Variants in DDX5 observed in about 807,000 individuals in gnomAD.
DDX5 encodes the protein probable ATP-dependent RNA helicase DDX5.
DDX5 carries 6 observed loss-of-function variants against 68.6 expected under a neutral mutation model. The observed-to-expected ratio is 0.09, with a 90% CI of 0.05 to 0.17. The LOEUF (loss-of-function observed/expected upper bound fraction) is 0.17, where lower values mean the gene tolerates loss of function less well. Among genes scored for constraint, DDX5 ranks in the 10% least tolerant of loss-of-function variants. DDX5 has a pLI of 1.00. For missense variants in DDX5, 499 were observed against 756.1 expected (o/e 0.66, Z 3.99); for synonymous variants, 350 against 247.0 (o/e 1.42, Z -3.91).
At chr17:64,506,019 G>GGCCCCCCCCCCCAA in intron 1 of DDX5, 57 bp downstream of exon 1, 1 of 1,360,438 alleles carries the variant, frequency 7.4e-7, no homozygotes, top group Non-Finnish European at 1.0e-6. Context: ...CCGCCACCCT[G>GGCCCCCCCCCCCAA]ACCCGCCCTC....
upstream of DDX5, chr17:64,506,833 T>C (rs1033381236): frequency 1.7e-6 from 1 of 595,564 alleles, no homozygotes; most frequent in Non-Finnish European, 3.0e-6. Flanking sequence ...TGTCTGATAA[T>C]CCTTTGACGG....
At position 64,504,371 on chromosome 17, in the gene DDX5, A is replaced by C; in HGVS notation, c.211-53T>G. 2.1e-6 allele frequency: 3 copies of C among 1,450,954 alleles called. No individual in the cohort carries two copies. In the South Asian group the frequency reaches 3.4e-5, roughly 17 times the overall value. 89.9% of individuals were successfully genotyped at this position (1,450,954 alleles called of 1,614,324 possible). On this transcript the variant is annotated intron_variant, in intron 2 of 12. Transcript: ENST00000225792. ...AATTCATGACAACCACCCCTAGCTA[A>C]ATACGTAATTGATAAGCCCCTAACT... is the stretch of plus-strand genomic sequence containing the variant.
Position 64,500,360 on chromosome 17 carries a change from T to C in DDX5, c.1442-34A>G, listed in dbSNP as rs371440912. ...AAAACAATTGCAAATTGATCAATTATGTCTATGACACAAATCATTGTGGAC... is the reference window on the plus strand; with the variant it reads ...AAAACAATTGCAAATTGATCAATTACGTCTATGACACAAATCATTGTGGAC... On this transcript the variant is annotated intron_variant, in intron 12 of 12. Coordinates refer to ENST00000225792, the MANE Select transcript of DDX5 (RefSeq NM_004396.5). 645 of 1,578,998 alleles carry C rather than the reference T, an allele frequency of 4.1e-4. No homozygotes were observed. The highest frequency in any genetic ancestry group is 5.3e-4 in the Non-Finnish European group (621 of 1,162,104).
Position 64,499,572 on chromosome 17 carries a change from C to A in DDX5, c.*351G>T. 2 of 240,654 alleles carry A rather than the reference C, an allele frequency of 8.3e-6. No homozygotes were observed. The highest frequency in any genetic ancestry group is 5.6e-5 in the Admixed American group (1 of 17,922). 14.9% of individuals were successfully genotyped at this position (240,654 alleles called of 1,614,324 possible). A position where few individuals can be genotyped will look rare whatever the true frequency, so the allele number is the denominator to read the frequency against. On this transcript the variant is annotated 3_prime_UTR_variant, in exon 13 of 13. Transcript: ENST00000225792. The stretch of plus-strand genomic sequence containing the variant: ...AAAAAAAAAACCAGACCATCTTAAG[C>A]AAAGTTTTACATGACATTATATAAA...
At chr17:64,506,306 C>A, upstream of DDX5, 1 of 1,512,764 alleles carries the variant, frequency 6.6e-7, no homozygotes, top group Non-Finnish European at 8.8e-7. Context: ...CGCTTTCCGG[C>A]AGCCGCTTTT....
chr17:64,506,754 C>A (rs577153164), upstream of DDX5: 2 of 487,778 alleles, frequency 4.1e-6, no homozygotes, highest in Non-Finnish European at 7.4e-6. Context: ...AAATAGCTCA[C>A]CGGAAGTGCG....
chr17:64,506,039 C>G (rs782733917), intron 1 of DDX5, 37 bp downstream of exon 1: 1 of 1,543,108 alleles, frequency 6.5e-7, no homozygotes, highest in Non-Finnish European at 8.8e-7. Flanking sequence ...CCCATCCCCC[C>G]ACCCGCCAGG....
rs782183460 is a variant in DDX5, at chr17:64,503,203, A to G, written c.795T>C (p.Ile265=). ...DMGFEPQIRK[I]VDQIRPDRQT... is the part of the protein sequence containing the mutation. ...GGACACTTACTCTTATTTGATCCAC[A>G]ATCTTCCTTATTTGGGGTTCAAAGC... Residue 265 remains isoleucine, a synonymous_variant, in exon 7 of 13, where the codon ATT becomes ATC. Coordinates refer to ENST00000225792, the MANE Select transcript of DDX5 (RefSeq NM_004396.5). 1 of 1,614,150 alleles carries G rather than the reference A, an allele frequency of 6.2e-7. No homozygotes were observed. The highest frequency in any genetic ancestry group is 1.1e-5 in the South Asian group (1 of 91,084).
Position 64,504,846 on chromosome 17 carries a change from G to C in DDX5, c.45-4C>G. On this transcript the variant is annotated splice_polypyrimidine_tract_variant and splice_region_variant and intron_variant, in intron 1 of 12. Transcript: ENST00000225792. ...TCCAAATCGAGGTGCACCAAACCTG[G>C]AATGAAAAAAAACGTTATTCACATT... 6.9e-6 allele frequency: 11 copies of C among 1,585,828 alleles called. No homozygotes were observed. Among genetic ancestry groups the C allele is most frequent in the Non-Finnish European group, 9.4e-6 (11 of 1,171,992 alleles).
chr17:64,503,382 C>A (rs1555671457), intron 6 of DDX5, 34 bp from the exon 7 acceptor site: 1 of 1,613,988 alleles, frequency 6.2e-7, no homozygotes, highest in East Asian at 2.2e-5. Flanking sequence ...ACTACAATAC[C>A]TAGGATATTT....
intron 1 of DDX5, chr17:64,505,870 AAAGC>A (rs2038482164): frequency 6.5e-7 from 1 of 1,536,004 alleles, no homozygotes; most frequent in Non-Finnish European, 8.7e-7. Flanking sequence ...CCCCACACAA[AAAGC>A]AAGCTTGAAG....
intron 1 of DDX5, chr17:64,505,308 A>T: frequency 2.9e-6 from 1 of 343,424 alleles, no homozygotes; most frequent in Non-Finnish European, 5.4e-6. Context: ...GTCAGCGATA[A>T]CAGAACAAGG....
Position 64,498,384 on chromosome 17 carries a change from TCA to T in DDX5, c.*1537_*1538del, listed in dbSNP as rs1555670203. 4.6e-5 allele frequency among the ~76,000 whole-genome samples: 7 copies of T among 152,196 alleles called. No individual in the cohort carries two copies. On this transcript the variant is annotated 3_prime_UTR_variant, in exon 13 of 13. Coordinates refer to ENST00000225792, the MANE Select transcript of DDX5 (RefSeq NM_004396.5). Reference sequence around the variant, plus strand: ...TGTTTTCCACAGCCCAACAATCATTTCAGTGTTTACAAATTAAAAGGCCCACG... The same window carrying T: ...TGTTTTCCACAGCCCAACAATCATTTGTGTTTACAAATTAAAAGGCCCACG...
At chr17:64,505,387 G>T (rs16947824) in intron 1 of DDX5, 2 of 467,758 alleles carry the variant, frequency 4.3e-6, no homozygotes, top group African/African-American at 3.9e-5. Flanking sequence ...CCGGATCAAC[G>T]AATCAAAATT....
Position 64,505,379 on chromosome 17 carries a change from G to A in DDX5, c.45-537C>T, listed in dbSNP as rs529274865. The A allele has an allele frequency of 1.6e-4, 71 of 456,346 alleles. 1 individual carries two copies. In the South Asian group the frequency reaches 1.7e-3, roughly 11 times the overall value. 28.3% of individuals were successfully genotyped at this position (456,346 alleles called of 1,614,324 possible). On this transcript the variant is annotated intron_variant, in intron 1 of 12. Coordinates refer to ENST00000225792, the MANE Select transcript of DDX5 (RefSeq NM_004396.5). ...TGGGGGAACGCCGCGGTAGAGCTCC[G>A]GATCAACGAATCAAAATTATATAAC...
chr17:64,505,461 G>A lies in DDX5; in HGVS notation c.44+615C>T, dbSNP rs535877923. The A allele has an allele frequency of 2.3e-4, 129 of 572,706 alleles. 2 individuals carry two copies. In the South Asian group the frequency reaches 2.5e-3, roughly 11 times the overall value. 35.5% of individuals were successfully genotyped at this position (572,706 alleles called of 1,614,324 possible). A position where few individuals can be genotyped will look rare whatever the true frequency, so the allele number is the denominator to read the frequency against. On this transcript the variant is annotated intron_variant, in intron 1 of 12. Transcript: ENST00000225792. Reference sequence around the variant, plus strand: ...TACCGGGGGAGGAGTCCCGGCCCGGGCGGAGTCGGCCGGGCGGCGTTCCCG... The same window carrying A: ...TACCGGGGGAGGAGTCCCGGCCCGGACGGAGTCGGCCGGGCGGCGTTCCCG...
At chr17:64,505,234 CGAT>C (rs1433205143) in intron 1 of DDX5, 6 of 250,834 alleles carry the variant, frequency 2.4e-5, no homozygotes, top group Non-Finnish European at 3.1e-5. Flanking sequence ...AGCATCACGA[CGAT>C]GTTACTCATA....
rs199511301 is a variant in DDX5, at chr17:64,500,016, C to T, written c.1752G>A (p.Met584Ile). The change falls in exon 13 of 13, where the codon ATG becomes ATA. Residue 584 changes from methionine to isoleucine, a missense_variant. This residue lies in a region of DDX5 where 171 missense variants were observed against 174.8 expected (regional missense o/e 0.98). Transcript: ENST00000225792. ...TQQYGSNVPNMHNGMNQQAYA... is the reference protein window; with the variant it reads ...TQQYGSNVPNIHNGMNQQAYA... Reference sequence around the variant, plus strand: ...ATGCCTGTTGGTTCATACCATTGTGCATATTTGGAACATTACTTCCGTATT... The same window carrying T: ...ATGCCTGTTGGTTCATACCATTGTGTATATTTGGAACATTACTTCCGTATT... 171 of 1,614,202 alleles carry T rather than the reference C, an allele frequency of 1.1e-4. No homozygotes were observed. The East Asian group carries it at 3.7e-3, about 34-fold the overall frequency.
chr17:64,504,334 T>C lies in DDX5; in HGVS notation c.211-16A>G, dbSNP rs1438053804. On this transcript the variant is annotated splice_polypyrimidine_tract_variant and intron_variant, in intron 2 of 12. Coordinates refer to ENST00000225792, the MANE Select transcript of DDX5 (RefSeq NM_004396.5). Reference sequence around the variant, plus strand: ...CCACCTCTTGCTGCAAAACAAATTATAACAGTCTTAAAATTCATGACAACC... The same window carrying C: ...CCACCTCTTGCTGCAAAACAAATTACAACAGTCTTAAAATTCATGACAACC... The C allele has an allele frequency of 1.9e-6, 3 of 1,605,116 alleles. No homozygotes were observed. Among genetic ancestry groups the C allele is most frequent in the African/African-American group, 1.3e-5 (1 of 74,696 alleles).
Sources: gnomAD v4.1 joint callset for allele counts (sites outside exome capture counted in the v4.1 genomes callset) on GRCh38, gnomAD v4.1.1 for gene constraint, gnomAD v4.1.1 regional missense constraint, MANE v1.5 for transcripts, NCBI Gene and HGNC (gene_info 2026-07-23, HGNC 2026-07-21) for gene names.